MGLL: variants seen among roughly 807,000 people sequenced by gnomAD.
MGLL encodes lysophospholipase homolog.
Under a neutral mutation model 29.1 loss-of-function variants are expected in MGLL, and 7 were observed. That is an observed-to-expected ratio of 0.24 (90% CI 0.14 to 0.45). The LOEUF is 0.45. Among genes scored for constraint, MGLL ranks in the 20% least tolerant of loss-of-function variants. The pLI is 0.99. For synonymous variants in MGLL, 148 were observed against 168.3 expected (o/e 0.88, Z 0.93); for missense variants, 356 against 413.6 (o/e 0.86, Z 1.21).
intron 6 of MGLL, among the ~76,000 whole-genome samples, chr3:127,706,401 T>C (rs1430671936): frequency 6.6e-6 from 1 of 152,194 alleles, no homozygotes; most frequent in Non-Finnish European, 1.5e-5. Flanking sequence ...CTGCAGTCCC[T>C]GGTTTTCTGC....
intron 2 of MGLL, among the ~76,000 whole-genome samples, chr3:127,806,434 T>C (rs1295095030): frequency 1.3e-5 from 2 of 151,984 alleles, no homozygotes; most frequent in South Asian, 4.2e-4. Context: ...GATGGGTGGA[T>C]TGGTGAATGG....
intron 3 of MGLL, among the ~76,000 whole-genome samples, chr3:127,766,849 T>G (rs2076864916): frequency 6.6e-6 from 1 of 152,112 alleles, no homozygotes; most frequent in Non-Finnish European, 1.5e-5. Context: ...GGTGGGCGTA[T>G]CACTTGAGGT....
rs77169725 is a variant in MGLL, at chr3:127,820,194, C to T, written c.155+1500G>A. Among the ~76,000 whole-genome samples the T allele has an allele frequency of 1.8e-4, 27 of 152,310 alleles. 1 individual carries two copies. In the East Asian group the frequency reaches 3.7e-3, roughly 21 times the overall value. ...CCATCAGCACCCACCACAAGGCGGACGCTGACATCCAAGAGGCAGCTCAGT... is the reference window on the plus strand; with the variant it reads ...CCATCAGCACCCACCACAAGGCGGATGCTGACATCCAAGAGGCAGCTCAGT... On this transcript the variant is annotated intron_variant, in intron 2 of 7. Coordinates refer to ENST00000265052, the MANE Select transcript of MGLL (RefSeq NM_007283.7).
Position 127,692,094 on chromosome 3 carries a change from A to ATTTTTTTTT in MGLL, c.*95_*103dup, listed in dbSNP as rs11433015. 171 of 709,140 alleles carry ATTTTTTTTT rather than the reference A, an allele frequency of 2.4e-4. 16 individuals carry two copies. The highest frequency in any genetic ancestry group is 5.6e-4 in the East Asian group (14 of 24,920). The allele number at this position is 709,140 out of a possible 1,614,324, so 43.9% of individuals were successfully genotyped here. A position where few individuals can be genotyped will look rare whatever the true frequency, so the allele number is the denominator to read the frequency against. On this transcript the variant is annotated 3_prime_UTR_variant, in exon 8 of 8. Transcript: ENST00000265052. ...GTGCTAAGGATTTCTCCAATTTCTG[A>ATTTTTTTTT]TTTTTTTTTTTTTTTTTTTTTGGCA...
At chr3:127,710,132 C>T (rs1210436972) in intron 6 of MGLL, among the ~76,000 whole-genome samples, 2 of 152,198 alleles carry the variant, frequency 1.3e-5, no homozygotes, top group Non-Finnish European at 1.5e-5. Flanking sequence ...TCTTGGCCTT[C>T]ACTGGGGGAA....
At chr3:127,737,943 C>T (rs1366917030) in intron 3 of MGLL, among the ~76,000 whole-genome samples, 1 of 152,032 alleles carries the variant, frequency 6.6e-6, no homozygotes, top group Non-Finnish European at 1.5e-5. Context: ...CTTCTTAAAA[C>T]GGGCATTAAT....
chr3:127,787,210 A>G (rs1305925090), intron 2 of MGLL, among the ~76,000 whole-genome samples: 1 of 152,240 alleles, frequency 6.6e-6, no homozygotes, highest in Non-Finnish European at 1.5e-5. Context: ...GCAATACACC[A>G]GCAGCCACTG....
intron 3 of MGLL, among the ~76,000 whole-genome samples, chr3:127,746,092 T>C (rs893596756): frequency 6.6e-6 from 1 of 152,040 alleles, no homozygotes; most frequent in African/African-American, 2.4e-5. Flanking sequence ...AGATGGAAGA[T>C]TGAGAAGCCA....
chr3:127,742,567 G>C (rs531873435), intron 3 of MGLL, among the ~76,000 whole-genome samples: 20 of 129,504 alleles, frequency 1.5e-4, no homozygotes, highest in Non-Finnish European at 2.5e-4. Flanking sequence ...TCCAGCCTGG[G>C]AGACAGAGCG....
intron 2 of MGLL, among the ~76,000 whole-genome samples, chr3:127,785,199 TC>T (rs2077192463): frequency 6.6e-6 from 1 of 151,810 alleles, no homozygotes; most frequent in Non-Finnish European, 1.5e-5. Flanking sequence ...CCCCCCTCCT[TC>T]CCCACACACC....
chr3:127,820,094 A>G (rs1395002826), intron 2 of MGLL, among the ~76,000 whole-genome samples: 1 of 151,908 alleles, frequency 6.6e-6, no homozygotes, highest in Non-Finnish European at 1.5e-5. Flanking sequence ...TTTTCCCTTA[A>G]CCTTTTCTAG....
chr3:127,767,848 G>T (rs755275830), intron 3 of MGLL, among the ~76,000 whole-genome samples: 2 of 152,190 alleles, frequency 1.3e-5, no homozygotes, highest in Non-Finnish European at 2.9e-5. Context: ...TAATAATAAT[G>T]AACAGGTGAA....
intron 3 of MGLL, among the ~76,000 whole-genome samples, chr3:127,770,704 G>A (rs140446784): frequency 7.2e-5 from 11 of 152,322 alleles, no homozygotes; most frequent in South Asian, 2.1e-4. Context: ...AGGGCTGTAC[G>A]GAGCAAAACC....
intron 7 of MGLL, among the ~76,000 whole-genome samples, chr3:127,692,692 C>T (rs925711446): frequency 3.3e-5 from 5 of 152,184 alleles, no homozygotes; most frequent in African/African-American, 7.2e-5. Flanking sequence ...CATCCCAAGC[C>T]GACTTCCACT....
At chr3:127,730,423 C>T (rs1178494023) in intron 3 of MGLL, among the ~76,000 whole-genome samples, 2 of 152,222 alleles carry the variant, frequency 1.3e-5, no homozygotes, top group Non-Finnish European at 1.5e-5. Context: ...CACCTGCCCA[C>T]GGTTCCTGAA....
At position 127,694,147 on chromosome 3, in the gene MGLL, G is replaced by A. The variant is rs192441213; in HGVS notation, c.816+828C>T. Among the ~76,000 whole-genome samples, 743 of 151,536 alleles carry A rather than the reference G, an allele frequency of 4.9e-3. 4 individuals are homozygous for A. The highest frequency in any genetic ancestry group is 8.3e-3 in the Non-Finnish European group (563 of 67,914). On this transcript the variant is annotated intron_variant, in intron 7 of 7. Transcript: ENST00000265052. Reference sequence around the variant, plus strand: ...TAGCCGGGCAGGGTGGCAGGCGCCTGTAATCCCAGCTACTCAGGGGGCTGA... The same window carrying A: ...TAGCCGGGCAGGGTGGCAGGCGCCTATAATCCCAGCTACTCAGGGGGCTGA...
intron 5 of MGLL, 115 bp from the exon 6 acceptor site, chr3:127,710,780 C>T (rs2075696227): frequency 2.1e-6 from 2 of 975,184 alleles, no homozygotes; most frequent in Non-Finnish European, 3.2e-6. Flanking sequence ...GAACATCAGC[C>T]AGGTTCGTCT....
At chr3:127,798,684 C>T (rs1008346194) in intron 2 of MGLL, among the ~76,000 whole-genome samples, 2 of 152,256 alleles carry the variant, frequency 1.3e-5, no homozygotes, top group African/African-American at 2.4e-5. Flanking sequence ...TGCCATATTC[C>T]TGTTGTGTCA....
intron 3 of MGLL, among the ~76,000 whole-genome samples, chr3:127,767,170 C>CTCACCAAT (rs11281423): frequency 0.97 from 147,536 of 152,128 alleles, 71,665 homozygotes; most frequent in Non-Finnish European, 1. Context: ...CACCATCACT[C>CTCACCAAT]ATTACCATCA....
Sources: gnomAD v4.1 joint callset for allele counts (sites outside exome capture counted in the v4.1 genomes callset) on GRCh38, gnomAD v4.1.1 for gene constraint, MANE v1.5 for transcripts, NCBI Gene and HGNC (gene_info 2026-07-23, HGNC 2026-07-21) for gene names.